The following RAB21 variants were observed in gnomAD, a reference collection of about 807,000 sequenced individuals.
RAB21 encodes the protein RAB21, member RAS oncogene family.
Under a neutral mutation model 33.1 loss-of-function variants are expected in RAB21, and 13 were observed. That is an observed-to-expected ratio of 0.39 (90% CI 0.26 to 0.62). The LOEUF is 0.62. Among genes scored for constraint, RAB21 ranks in the 20% least tolerant of loss-of-function variants. The pLI is 0.48. For missense variants in RAB21, 234 were observed against 279.1 expected (o/e 0.84, Z 1.15); for synonymous variants, 91 against 103.7 (o/e 0.88, Z 0.74).
rs1883312482 is a variant in RAB21, at chr12:71,787,493, G to A, written c.*1820G>A. 6.6e-6 allele frequency: 1 copy of A among 152,064 alleles called. No homozygotes were observed. 9.4% of individuals were successfully genotyped at this position (152,064 alleles called of 1,614,324 possible). A position where few individuals can be genotyped will look rare whatever the true frequency, so the allele number is the denominator to read the frequency against. On this transcript the variant is annotated 3_prime_UTR_variant, in exon 7 of 7. Transcript: ENST00000261263. The stretch of plus-strand genomic sequence containing the variant: ...GCAGTAGTATGTAATAAAGCTATTA[G>A]CATGAGCAATTAAGAGGCTATAAAG...
chr12:71,762,522 G>A (rs1882889794), intron 1 of RAB21, among the ~76,000 whole-genome samples: 1 of 151,814 alleles, frequency 6.6e-6, no homozygotes, highest in Non-Finnish European at 1.5e-5. Flanking sequence ...AGCCAGGATG[G>A]TCTCGATCTC....
In RAB21 at chr12:71,785,910, G is replaced by GTT. The variant is rs33973785; in HGVS notation, c.*245_*246dup. 18 of 357,680 alleles carry GTT rather than the reference G, an allele frequency of 5.0e-5. No individual in the cohort carries two copies. Among genetic ancestry groups the GTT allele is most frequent in the African/African-American group, 4.2e-4 (15 of 35,650 alleles). The allele number at this position is 357,680 out of a possible 1,614,324, so 22.2% of individuals were successfully genotyped here. A position where few individuals can be genotyped will look rare whatever the true frequency, so the allele number is the denominator to read the frequency against. ...TTTTGTTTTTTTTTTGTTTTTTTTT[G>GTT]TTTTTTTTTGAGACGGAGTCTCGCT... On this transcript the variant is annotated 3_prime_UTR_variant, in exon 7 of 7. Coordinates refer to ENST00000261263, the MANE Select transcript of RAB21 (RefSeq NM_014999.4).
At position 71,793,614 on chromosome 12, in the gene RAB21, T is replaced by C. The variant is rs1883418498; in HGVS notation, c.*7941T>C. 6.6e-6 allele frequency: 1 copy of C among 152,220 alleles called. No homozygotes were observed. The highest frequency in any genetic ancestry group is 1.5e-5 in the Non-Finnish European group (1 of 68,042). The allele number at this position is 152,220 out of a possible 1,614,324, so 9.4% of individuals were successfully genotyped here. A position where few individuals can be genotyped will look rare whatever the true frequency, so the allele number is the denominator to read the frequency against. ...CACAAAAGGTTAGTAAATTTAGTGATTTAATGAGTTCTTCAAAACATAAAA... is the reference window on the plus strand; with the variant it reads ...CACAAAAGGTTAGTAAATTTAGTGACTTAATGAGTTCTTCAAAACATAAAA... On this transcript the variant is annotated 3_prime_UTR_variant, in exon 7 of 7. Coordinates refer to ENST00000261263, the MANE Select transcript of RAB21 (RefSeq NM_014999.4).
chr12:71,762,637 G>T (rs1229203233), intron 1 of RAB21, among the ~76,000 whole-genome samples: 1 of 149,982 alleles, frequency 6.7e-6, no homozygotes, highest in Non-Finnish European at 1.5e-5. Flanking sequence ...AGCTGGAGAG[G>T]AATGGCACGA....
chr12:71,773,082 A>AT (rs1423249000), intron 3 of RAB21, among the ~76,000 whole-genome samples: 3 of 152,230 alleles, frequency 2.0e-5, no homozygotes, highest in Non-Finnish European at 4.4e-5. Flanking sequence ...TCCAGATTAA[A>AT]TTTCATTGAA....
chr12:71,769,132 G>GGGAGA lies in RAB21; in HGVS notation c.160-667_160-663dup, dbSNP rs771503967. ...GGAACAGTCCCTACTGCTCCTAAAGGGGAGATCATTACCTTCTCTCTGAAG... is the reference window on the plus strand; with the variant it reads ...GGAACAGTCCCTACTGCTCCTAAAGGGGAGAGGAGATCATTACCTTCTCTCTGAAG... On this transcript the variant is annotated intron_variant, in intron 1 of 6. Coordinates refer to ENST00000261263, the MANE Select transcript of RAB21 (RefSeq NM_014999.4). Among the ~76,000 whole-genome samples, 10 of 152,188 alleles carry GGGAGA rather than the reference G, an allele frequency of 6.6e-5. No individual in the cohort carries two copies. The East Asian group carries it at 1.9e-3, about 29-fold the overall frequency.
chr12:71,767,301 G>T (rs1338555416), intron 1 of RAB21, among the ~76,000 whole-genome samples: 1 of 152,152 alleles, frequency 6.6e-6, no homozygotes, highest in East Asian at 1.9e-4. Context: ...GGAAATTTCA[G>T]AGGGGATGGT....
intron 4 of RAB21, among the ~76,000 whole-genome samples, chr12:71,779,059 T>C (rs971582110): frequency 6.6e-6 from 1 of 152,250 alleles, no homozygotes; most frequent in African/African-American, 2.4e-5. Flanking sequence ...GCATATAGTA[T>C]ATGCTAGGCC....
chr12:71,761,012 A>G (rs953835550), intron 1 of RAB21, among the ~76,000 whole-genome samples: 4 of 151,364 alleles, frequency 2.6e-5, no homozygotes, highest in Non-Finnish European at 2.9e-5. Context: ...CAAGACCAGC[A>G]TGGGTAATGT....
intron 1 of RAB21, 125 bp downstream of exon 1, chr12:71,755,413 C>A: frequency 1.7e-6 from 2 of 1,174,352 alleles, no homozygotes; most frequent in Non-Finnish European, 2.2e-6. Context: ...TCTCCGCCTT[C>A]GGTTTACCTT....
rs1237438002 is a variant in RAB21 at position 71,790,861 on chromosome 12, G to C, written c.*5188G>C. ...TTTCCTCCCACATTTCTATGGATGT[G>C]TCTTGCCTTTTTCTTTTTTTTTTCT... On this transcript the variant is annotated 3_prime_UTR_variant, in exon 7 of 7. Coordinates refer to ENST00000261263, the MANE Select transcript of RAB21 (RefSeq NM_014999.4). The C allele has an allele frequency of 6.8e-6, 1 of 146,072 alleles. No individual in the cohort carries two copies. The highest frequency in any genetic ancestry group is 2.6e-5 in the African/African-American group (1 of 37,970). 9.0% of individuals were successfully genotyped at this position (146,072 alleles called of 1,614,324 possible).
chr12:71,764,284 A>T (rs560264327), intron 1 of RAB21, among the ~76,000 whole-genome samples: 2 of 152,082 alleles, frequency 1.3e-5, no homozygotes, highest in Non-Finnish European at 2.9e-5. Context: ...AGAAGTTTAT[A>T]ATTACTTCTC....
intron 4 of RAB21, among the ~76,000 whole-genome samples, chr12:71,779,612 C>G (rs1333781355): frequency 6.6e-6 from 1 of 152,204 alleles, no homozygotes; most frequent in African/African-American, 2.4e-5. Flanking sequence ...TATCATTAGG[C>G]CATTTGCCCT....
At chr12:71,779,084 T>G (rs983468439) in intron 4 of RAB21, among the ~76,000 whole-genome samples, 1 of 152,210 alleles carries the variant, frequency 6.6e-6, no homozygotes, top group African/African-American at 2.4e-5. Context: ...ACATATATCT[T>G]ATTTTCACAT....
rs890268978 is a variant in RAB21, at chr12:71,785,890, TTTTTTTTTTGTTTTTTTTTG to T, written c.*228_*247del. The T allele has an allele frequency of 3.6e-5, 17 of 471,954 alleles. No individual in the cohort carries two copies. Among genetic ancestry groups the T allele is most frequent in the African/African-American group, 3.0e-4 (14 of 47,438 alleles). The allele number at this position is 471,954 out of a possible 1,614,324, so 29.2% of individuals were successfully genotyped here. ...CATTTTCTACAAATGTTTTTTTTTG[TTTTTTTTTTGTTTTTTTTTG>T]TTTTTTTTTGAGACGGAGTCTCGCT... On this transcript the variant is annotated 3_prime_UTR_variant, in exon 7 of 7. Transcript: ENST00000261263.
In RAB21 at chr12:71,769,829, T is replaced by C. The variant is rs771354177; in HGVS notation, c.189T>C (p.Ile63=). The change falls in exon 2 of 7, where the codon ATT becomes ATC. Residue 63 remains isoleucine (I), a synonymous_variant. Transcript: ENST00000261263. ...CATTCTTAACAAAGAAGTTAAATAT[T>C]GGTGGGAAAAGAGTAAACCTTGCCA... ...QASFLTKKLN[I]GGKRVNLAIW... 4 of 1,394,584 alleles carry C rather than the reference T, an allele frequency of 2.9e-6. No homozygotes were observed. Among genetic ancestry groups the C allele is most frequent in the East Asian group, 2.7e-5 (1 of 37,660 alleles). The allele number at this position is 1,394,584 out of a possible 1,614,324, so 86.4% of individuals were successfully genotyped here.
chr12:71,757,726 T>G (rs1882806006), intron 1 of RAB21, among the ~76,000 whole-genome samples: 1 of 152,226 alleles, frequency 6.6e-6, no homozygotes, highest in Non-Finnish European at 1.5e-5. Context: ...TTCTTTTAAT[T>G]TCCAAATGGA....
chr12:71,782,752 A>G, intron 6 of RAB21, 94 bp downstream of exon 6: 1 of 818,070 alleles, frequency 1.2e-6, no homozygotes, highest in Non-Finnish European at 1.8e-6. Context: ...TACTTTTCAA[A>G]GAATTGGTTC....
rs1337476233 is a variant in RAB21, at chr12:71,797,765, G to A, written c.*12092G>A. On this transcript the variant is annotated 3_prime_UTR_variant, in exon 7 of 7. Transcript: ENST00000261263. ...GCATATGACTAGACAGATCATTCAA[G>A]CAGAAGGAAAATGAACCCAGATATG... 6.6e-6 allele frequency: 1 copy of A among 151,094 alleles called. No homozygotes were observed. The highest frequency in any genetic ancestry group is 2.0e-4 in the East Asian group (1 of 5,076). 9.4% of individuals were successfully genotyped at this position (151,094 alleles called of 1,614,324 possible).
Sources: gnomAD v4.1 joint callset for allele counts (sites outside exome capture counted in the v4.1 genomes callset) on GRCh38, gnomAD v4.1.1 for gene constraint, MANE v1.5 for transcripts, NCBI Gene and HGNC (gene_info 2026-07-23, HGNC 2026-07-21) for gene names.